NAALADL2: variants seen among roughly 807,000 people sequenced by gnomAD.
NAALADL2 encodes the protein inactive N-acetylated-alpha-linked acidic dipeptidase-like protein 2.
NAALADL2 carries 76 observed loss-of-function variants against 87.2 expected under a neutral mutation model. The ratio of observed to expected loss-of-function variants is 0.87; its 90% CI spans 0.72 to 1.05. The LOEUF is 1.05. Ranked by LOEUF, NAALADL2 falls within the 50% of genes least tolerant of loss-of-function variation. NAALADL2 has a pLI of 0.00. For missense variants in NAALADL2, 1,089 were observed against 945.8 expected, an observed-to-expected ratio of 1.15 and a Z score of -1.99; for synonymous variants, 354 against 331.0, an observed-to-expected ratio of 1.07 and a Z score of -0.75.
intron 9 of NAALADL2, among the ~76,000 whole-genome samples, chr3:175,514,538 G>A (rs931232034): frequency 7.2e-5 from 11 of 152,112 alleles, no homozygotes; most frequent in Admixed American, 5.2e-4. Context: ...ATCAAATTTG[G>A]ATTTGTGATC....
At chr3:175,205,490 A>G (rs1580919744) in intron 2 of NAALADL2, among the ~76,000 whole-genome samples, 1 of 152,340 alleles carries the variant, frequency 6.6e-6, no homozygotes, top group African/African-American at 2.4e-5. Flanking sequence ...AGCTATAAGA[A>G]TTCTAGAAGA....
At chr3:174,449,951 A>G (rs565726373) in intron 1 of NAALADL2, among the ~76,000 whole-genome samples, 107 of 152,076 alleles carry the variant, frequency 7.0e-4, no homozygotes, top group African/African-American at 2.5e-3. Context: ...TCTTCATTGT[A>G]TATGTCTTAC....
At chr3:175,609,642 A>G (rs1426851725) in intron 10 of NAALADL2, 2 of 152,124 alleles carry the variant, frequency 1.3e-5, no homozygotes, top group African/African-American at 4.8e-5. Context: ...ACATTACCAG[A>G]GCTCATATTT....
chr3:175,368,572 A>T (rs2862045), intron 5 of NAALADL2, among the ~76,000 whole-genome samples: 41,511 of 149,530 alleles, frequency 0.28, 6,305 homozygotes, highest in East Asian at 0.5. Context: ...GGTGTGTGTG[A>T]GTGTGTGTGT....
intron 1 of NAALADL2, among the ~76,000 whole-genome samples, chr3:174,869,814 T>C (rs1029434635): frequency 3.3e-5 from 5 of 151,956 alleles, no homozygotes; most frequent in African/African-American, 1.2e-4. Context: ...TAGGTCAACA[T>C]GGTGAAACCC....
chr3:175,529,408 C>G (rs1234263691), intron 9 of NAALADL2, among the ~76,000 whole-genome samples: 1 of 152,120 alleles, frequency 6.6e-6, no homozygotes, highest in East Asian at 1.9e-4. Context: ...AGGAAGCAAA[C>G]AGTTTACTAG....
intron 1 of NAALADL2, among the ~76,000 whole-genome samples, chr3:174,461,973 T>C (rs1716242795): frequency 1.3e-5 from 2 of 152,070 alleles, no homozygotes; most frequent in Non-Finnish European, 2.9e-5. Context: ...GAGATGGATA[T>C]TGTGTGTTCT....
chr3:175,185,251 G>A (rs1322799604), intron 2 of NAALADL2, among the ~76,000 whole-genome samples: 1 of 152,040 alleles, frequency 6.6e-6, no homozygotes, highest in Non-Finnish European at 1.5e-5. Flanking sequence ...CTATACAGCT[G>A]AAGATGCATA....
intron 1 of NAALADL2, among the ~76,000 whole-genome samples, chr3:174,914,188 G>A (rs1028877329): frequency 6.6e-6 from 1 of 151,374 alleles, no homozygotes. Context: ...TCAGCCTCCC[G>A]AGTAGTTGGG....
intron 2 of NAALADL2, among the ~76,000 whole-genome samples, chr3:174,624,679 CA>C (rs1257393854): frequency 6.6e-6 from 1 of 150,978 alleles, no homozygotes; most frequent in African/African-American, 2.4e-5. Context: ...GATCTTATGT[CA>C]AAAACTGTTC....
intron 3 of NAALADL2, among the ~76,000 whole-genome samples, chr3:174,818,521 A>T (rs1173234698): frequency 6.6e-6 from 1 of 152,222 alleles, no homozygotes; most frequent in Admixed American, 6.5e-5. Context: ...TATAAAAATA[A>T]CACTGCATAT....
At chr3:175,484,659 T>C (rs1726991696) in intron 9 of NAALADL2, among the ~76,000 whole-genome samples, 1 of 152,186 alleles carries the variant, frequency 6.6e-6, no homozygotes, top group Non-Finnish European at 1.5e-5. Flanking sequence ...TTTGTTTATA[T>C]AAATTGATTT....
intron 1 of NAALADL2, among the ~76,000 whole-genome samples, chr3:174,538,060 A>G (rs1721890332): frequency 6.6e-6 from 1 of 152,180 alleles, no homozygotes; most frequent in African/African-American, 2.4e-5. Context: ...AAATGTAGAC[A>G]TCTAGAAAAT....
At chr3:174,623,593 G>A (rs893810875) in intron 2 of NAALADL2, among the ~76,000 whole-genome samples, 5 of 150,698 alleles carry the variant, frequency 3.3e-5, no homozygotes, top group Admixed American at 6.6e-5. Flanking sequence ...TAAATGGTGC[G>A]TCTGTGAGAT....
At chr3:174,823,212 CTGTT>C (rs1297475319) in intron 3 of NAALADL2, among the ~76,000 whole-genome samples, 15 of 151,572 alleles carry the variant, frequency 9.9e-5, no homozygotes, top group South Asian at 4.2e-4. Context: ...TTGTTGTTGT[CTGTT>C]TGTTTGCTTG....
At chr3:174,518,723 T>C (rs1004330103) in intron 1 of NAALADL2, among the ~76,000 whole-genome samples, 1 of 150,512 alleles carries the variant, frequency 6.6e-6, no homozygotes, top group Non-Finnish European at 1.5e-5. Context: ...TTCTCTTGTT[T>C]ATAAGCCTCT....
intron 4 of NAALADL2, among the ~76,000 whole-genome samples, chr3:175,290,147 G>A (rs1755475295): frequency 6.6e-6 from 1 of 152,100 alleles, no homozygotes; most frequent in African/African-American, 2.4e-5. Flanking sequence ...AAAACAGTTT[G>A]GCAATTTTAA....
chr3:174,878,000 A>T (rs1728716249), intron 1 of NAALADL2, among the ~76,000 whole-genome samples: 1 of 152,062 alleles, frequency 6.6e-6, no homozygotes, highest in Non-Finnish European at 1.5e-5. Context: ...AGTGTACTTA[A>T]ATATTAGCTT....
At chr3:175,023,581 A>T (rs899919179) in intron 1 of NAALADL2, among the ~76,000 whole-genome samples, 4 of 152,070 alleles carry the variant, frequency 2.6e-5, no homozygotes, top group Non-Finnish European at 5.9e-5. Flanking sequence ...CTATGAAAAA[A>T]ATTCTAGAAA....
Sources: allele counts gnomAD v4.1 joint callset (sites outside exome capture counted in the v4.1 genomes callset), GRCh38; gene constraint gnomAD v4.1.1; transcripts MANE v1.5; gene names NCBI Gene and HGNC (gene_info 2026-07-23, HGNC 2026-07-21).